RANBP17: variants seen among roughly 807,000 people sequenced by gnomAD.
The protein encoded by RANBP17 is ran-binding protein 17.
A neutral mutation model predicts 141.2 loss-of-function variants in RANBP17; 158 were observed. The ratio of observed to expected loss-of-function variants is 1.12; its 90% CI spans 0.98 to 1.28. RANBP17 has a LOEUF of 1.28. RANBP17 is among the 50% of genes most tolerant of loss of function. The probability of loss-of-function intolerance (pLI) is 0.00; values close to 1 mark genes in which losing one functional copy is unlikely to be tolerated. For missense variants in RANBP17, 1,438 were observed against 1,290.7 expected (o/e 1.11, Z -1.75); for synonymous variants, 430 against 450.0 (o/e 0.96, Z 0.56).
At chr5:171,020,585 G>A (rs946073311) in intron 14 of RANBP17, among the ~76,000 whole-genome samples, 5 of 151,380 alleles carry the variant, frequency 3.3e-5, no homozygotes, top group African/African-American at 1.2e-4. Flanking sequence ...GACTAGGATT[G>A]TAACCCCTGC....
intron 14 of RANBP17, among the ~76,000 whole-genome samples, chr5:171,006,188 C>G (rs1779588606): frequency 6.6e-6 from 1 of 152,264 alleles, no homozygotes; most frequent in Admixed American, 6.5e-5. Flanking sequence ...GTCAGTATGG[C>G]GATTCCTTCG....
At chr5:171,082,377 G>T (rs1174433565) in intron 14 of RANBP17, among the ~76,000 whole-genome samples, 3 of 152,120 alleles carry the variant, frequency 2.0e-5, no homozygotes, top group Non-Finnish European at 4.4e-5. Context: ...AGAGCCAGTT[G>T]ATCAGTTCGA....
chr5:170,946,502 T>A (rs892591648), intron 12 of RANBP17, among the ~76,000 whole-genome samples: 35 of 152,254 alleles, frequency 2.3e-4, no homozygotes, highest in Admixed American at 2.2e-3. Context: ...TAAGAAATAC[T>A]ACTAATTGTC....
chr5:171,121,999 G>A (rs1297499949), intron 14 of RANBP17, among the ~76,000 whole-genome samples: 2 of 152,180 alleles, frequency 1.3e-5, no homozygotes, highest in Admixed American at 6.5e-5. Flanking sequence ...GGGATTGAGA[G>A]GACTGTTGCA....
At chr5:171,051,461 A>G (rs920103244) in intron 14 of RANBP17, among the ~76,000 whole-genome samples, 3 of 152,142 alleles carry the variant, frequency 2.0e-5, no homozygotes, top group Non-Finnish European at 2.9e-5. Flanking sequence ...CCAATTCTGT[A>G]TATTTTATAT....
chr5:171,003,914 T>C (rs531495521), intron 14 of RANBP17, among the ~76,000 whole-genome samples: 67 of 152,204 alleles, frequency 4.4e-4, no homozygotes, highest in Middle Eastern at 3.4e-3. Context: ...GAGGAAGATA[T>C]TGAGGACAAA....
intron 14 of RANBP17, among the ~76,000 whole-genome samples, chr5:171,145,081 G>A (rs1757947794): frequency 3.3e-5 from 5 of 152,170 alleles, no homozygotes. Context: ...ATCAAAAAGT[G>A]CTTTAGCATA....
chr5:170,893,252 C>A (rs1275847714), intron 4 of RANBP17, among the ~76,000 whole-genome samples: 3 of 148,526 alleles, frequency 2.0e-5, no homozygotes, highest in African/African-American at 4.9e-5. Flanking sequence ...AAAAAAAAAA[C>A]CAAACCAAAC....
At chr5:171,179,352 CTGTT>C (rs1033147126) in intron 16 of RANBP17, among the ~76,000 whole-genome samples, 2 of 151,832 alleles carry the variant, frequency 1.3e-5, no homozygotes, top group East Asian at 1.9e-4. Context: ...GGAATTTTGT[CTGTT>C]TGTGTGTGTG....
Position 171,183,402 on chromosome 5 carries a change from G to T in RANBP17, c.2010G>T (p.Ala670=). The change falls in exon 18 of 28, where the codon GCG becomes GCT. Residue 670 remains alanine (A), a synonymous_variant. Transcript: ENST00000523189. ...DFRCRTTFYT[A]LTRLLMVDLG... is the part of the protein sequence containing the mutation. ...GGTGTCGAACAACCTTCTACACAGC[G>T]CTCACTCGCCTTCTGATGGTAGATC... 1 of 1,613,310 alleles carries T rather than the reference G, an allele frequency of 6.2e-7. No homozygotes were observed. The highest frequency in any genetic ancestry group is 8.5e-7 in the Non-Finnish European group (1 of 1,179,300).
chr5:170,977,690 G>A (rs1474911054), intron 14 of RANBP17, among the ~76,000 whole-genome samples: 4 of 152,006 alleles, frequency 2.6e-5, no homozygotes, highest in South Asian at 4.1e-4. Flanking sequence ...GATAGATGCC[G>A]TAACAAGTAT....
At chr5:171,297,532 G>T in intron 27 of RANBP17, among the ~76,000 whole-genome samples, 1 of 152,178 alleles carries the variant, frequency 6.6e-6, no homozygotes, top group Non-Finnish European at 1.5e-5. Context: ...ACATGACCAA[G>T]TCAGTTGGGG....
chr5:171,070,723 CCCT>C (rs1278568300), intron 14 of RANBP17, among the ~76,000 whole-genome samples: 1 of 151,954 alleles, frequency 6.6e-6, no homozygotes, highest in East Asian at 1.9e-4. Context: ...GTTTGCCTTC[CCCT>C]CCTCTACACT....
At chr5:170,931,620 A>G (rs1325715604) in intron 12 of RANBP17, among the ~76,000 whole-genome samples, 4 of 152,138 alleles carry the variant, frequency 2.6e-5, no homozygotes, top group African/African-American at 7.2e-5. Context: ...TCAGCTTTCT[A>G]TATATGGCTA....
At chr5:171,124,177 G>A (rs918679933) in intron 14 of RANBP17, among the ~76,000 whole-genome samples, 1 of 151,852 alleles carries the variant, frequency 6.6e-6, no homozygotes, top group Admixed American at 6.6e-5. Context: ...GCACAACATC[G>A]TGAAACCAAA....
intron 12 of RANBP17, among the ~76,000 whole-genome samples, chr5:170,926,087 A>G (rs1355523992): frequency 6.6e-6 from 1 of 152,306 alleles, no homozygotes; most frequent in East Asian, 1.9e-4. Context: ...CATCCTACCA[A>G]TAGTGTTCAG....
chr5:170,912,256 T>C (rs1771590208), intron 7 of RANBP17, among the ~76,000 whole-genome samples: 1 of 151,878 alleles, frequency 6.6e-6, no homozygotes, highest in Non-Finnish European at 1.5e-5. Flanking sequence ...TACACACACA[T>C]GAGTACATGT....
chr5:170,918,899 T>A (rs1772203475), intron 10 of RANBP17, 40 bp downstream of exon 10: 1 of 1,347,038 alleles, frequency 7.4e-7, no homozygotes, highest in Admixed American at 2.5e-5. Flanking sequence ...TGTAGCCAGT[T>A]TTAAAACAGC....
chr5:171,257,280 C>T (rs1765960674), intron 24 of RANBP17, among the ~76,000 whole-genome samples: 1 of 152,212 alleles, frequency 6.6e-6, no homozygotes, highest in Non-Finnish European at 1.5e-5. Flanking sequence ...AAATGTGATA[C>T]ATCACATCAA....
Sources: gnomAD v4.1 joint callset for allele counts (sites outside exome capture counted in the v4.1 genomes callset) on GRCh38, gnomAD v4.1.1 for gene constraint, MANE v1.5 for transcripts, NCBI Gene and HGNC (gene_info 2026-07-23, HGNC 2026-07-21) for gene names.